Variants in TNPO1 observed in about 807,000 individuals in gnomAD.
TNPO1 encodes transportin 1.
TNPO1 carries 8 observed loss-of-function variants against 119.5 expected under a neutral mutation model. The ratio of observed to expected loss-of-function variants is 0.07; its 90% CI spans 0.04 to 0.12. The LOEUF (loss-of-function observed/expected upper bound fraction) is 0.12, where lower values mean the gene tolerates loss of function less well. Ranked by LOEUF, TNPO1 falls within the 10% of genes least tolerant of loss-of-function variation. The pLI, the probability that TNPO1 is intolerant of heterozygous loss-of-function variation, is 1.00. For missense variants in TNPO1, 576 were observed against 1,089.8 expected (o/e 0.53, Z 6.64); for synonymous variants, 362 against 363.0 (o/e 1.00, Z 0.03).
intron 1 of TNPO1, 63 bp downstream of exon 1, chr5:72,816,815 G>T: frequency 6.5e-7 from 1 of 1,530,924 alleles, no homozygotes; most frequent in Non-Finnish European, 8.8e-7. Context: ...TGGGAGCGCC[G>T]AGCTGCCTGA....
At position 72,913,657 on chromosome 5, in the gene TNPO1, C is replaced by G. The variant is rs935508428; in HGVS notation, c.*4984C>G. On this transcript the variant is annotated 3_prime_UTR_variant, in exon 25 of 25. Coordinates refer to ENST00000337273, the MANE Select transcript of TNPO1 (RefSeq NM_002270.4). ...GTGGCTTGGTATTATTCAAGATTAG[C>G]TATTTCGCTGGTATTACATCTTTTT... 1.3e-5 allele frequency: 2 copies of G among 152,472 alleles called. No homozygotes were observed. The highest frequency in any genetic ancestry group is 4.8e-5 in the African/African-American group (2 of 41,410). The allele number at this position is 152,472 out of a possible 1,614,324, so 9.4% of individuals were successfully genotyped here. A position where few individuals can be genotyped will look rare whatever the true frequency, so the allele number is the denominator to read the frequency against.
intron 8 of TNPO1, 117 bp from the exon 9 acceptor site, chr5:72,877,111 A>G (rs1322729946): frequency 1.4e-5 from 7 of 515,814 alleles, no homozygotes; most frequent in Non-Finnish European, 2.3e-5. Context: ...AAAAAAAAAA[A>G]AAAAAATTGC....
chr5:72,830,424 C>T (rs1744408311), intron 1 of TNPO1, among the ~76,000 whole-genome samples: 1 of 152,162 alleles, frequency 6.6e-6, no homozygotes, highest in African/African-American at 2.4e-5. Flanking sequence ...TGCCTACCCA[C>T]ATATCGAATT....
intron 7 of TNPO1, among the ~76,000 whole-genome samples, chr5:72,874,461 A>C (rs1387181689): frequency 6.6e-6 from 1 of 152,174 alleles, no homozygotes; most frequent in Non-Finnish European, 1.5e-5. Flanking sequence ...CCCACCCCCA[A>C]CCCAGTTGCT....
rs186255260 is a variant in TNPO1, at chr5:72,865,857, C to T, written c.596+128C>T. 2.1e-4 allele frequency: 206 copies of T among 1,002,162 alleles called. No individual in the cohort carries two copies. The East Asian group carries it at 3.9e-3, about 19-fold the overall frequency. 62.1% of individuals were successfully genotyped at this position (1,002,162 alleles called of 1,614,324 possible). Reference sequence around the variant, plus strand: ...ATATTGGATGTTCCAGAGAGGTGAACTTATGTAATTGAAATTGACTACTTC... The same window carrying T: ...ATATTGGATGTTCCAGAGAGGTGAATTTATGTAATTGAAATTGACTACTTC... On this transcript the variant is annotated intron_variant, in intron 6 of 24. Coordinates refer to ENST00000337273, the MANE Select transcript of TNPO1 (RefSeq NM_002270.4).
intron 1 of TNPO1, among the ~76,000 whole-genome samples, chr5:72,841,103 G>A (rs1164193538): frequency 2.0e-5 from 3 of 147,046 alleles, no homozygotes; most frequent in Non-Finnish European, 3.0e-5. Context: ...ATAACCTCTG[G>A]TTTTAGACTC....
intron 18 of TNPO1, among the ~76,000 whole-genome samples, chr5:72,895,965 TC>T (rs2112472045): frequency 6.6e-6 from 1 of 152,320 alleles, no homozygotes; most frequent in African/African-American, 2.4e-5. Flanking sequence ...GACAAGATAG[TC>T]CACTTATTTT....
At chr5:72,825,065 T>C (rs1326971045) in intron 1 of TNPO1, among the ~76,000 whole-genome samples, 1 of 152,156 alleles carries the variant, frequency 6.6e-6, no homozygotes, top group African/African-American at 2.4e-5. Context: ...GTTTTCTGTA[T>C]CGTCAAAATA....
At chr5:72,856,273 C>G (rs1373286622) in intron 4 of TNPO1, among the ~76,000 whole-genome samples, 1 of 152,034 alleles carries the variant, frequency 6.6e-6, no homozygotes, top group Non-Finnish European at 1.5e-5. Flanking sequence ...TCTCTGTTGC[C>G]CAGGCTGGGG....
At chr5:72,845,130 A>C (rs551330917) in intron 1 of TNPO1, among the ~76,000 whole-genome samples, 11 of 150,474 alleles carry the variant, frequency 7.3e-5, no homozygotes, top group Non-Finnish European at 1.6e-4. Flanking sequence ...ATAAGTTGTA[A>C]AGTTAATATT....
At chr5:72,899,548 A>T (rs1022779384) in intron 20 of TNPO1, among the ~76,000 whole-genome samples, 1 of 152,198 alleles carries the variant, frequency 6.6e-6, no homozygotes, top group African/African-American at 2.4e-5. Flanking sequence ...TTAGTTTGAG[A>T]TGCTTGAGAA....
At chr5:72,883,455 T>A (rs1242607054) in intron 11 of TNPO1, among the ~76,000 whole-genome samples, 2 of 152,222 alleles carry the variant, frequency 1.3e-5, no homozygotes, top group East Asian at 3.8e-4. Flanking sequence ...TCTGGGCAAC[T>A]ACTAGTCAAT....
At chr5:72,824,846 C>T (rs1336501775) in intron 1 of TNPO1, among the ~76,000 whole-genome samples, 2 of 152,084 alleles carry the variant, frequency 1.3e-5, no homozygotes, top group African/African-American at 4.8e-5. Context: ...TATTCAACAT[C>T]TCCCCTAAAT....
chr5:72,848,130 T>C lies in TNPO1; in HGVS notation c.16-255T>C, dbSNP rs546056816. On this transcript the variant is annotated intron_variant, in intron 1 of 24. Coordinates refer to ENST00000337273, the MANE Select transcript of TNPO1 (RefSeq NM_002270.4). ...ATTGCAAATTCGCGGTGACTCAGTC[T>C]GGTCGGCTCCTTGCGCTCGGCGGCC... The C allele has an allele frequency of 7.6e-6, 9 of 1,182,868 alleles. No individual in the cohort carries two copies. In the South Asian group the frequency reaches 1.0e-4, roughly 14 times the overall value. 73.3% of individuals were successfully genotyped at this position (1,182,868 alleles called of 1,614,324 possible).
chr5:72,817,009 G>T (rs1010738320), intron 1 of TNPO1: 6 of 477,930 alleles, frequency 1.3e-5, no homozygotes, highest in Middle Eastern at 5.4e-4. Context: ...GTTAGGGGCG[G>T]CAGGAGCCCG....
chr5:72,899,496 C>T (rs1263309565), intron 20 of TNPO1, among the ~76,000 whole-genome samples: 1 of 152,134 alleles, frequency 6.6e-6, no homozygotes, highest in East Asian at 1.9e-4. Context: ...GGTTTAAATT[C>T]CCTAGATAAT....
chr5:72,900,093 TC>T lies in TNPO1; in HGVS notation c.2414+13del, dbSNP rs1749702142. On this transcript the variant is annotated intron_variant, in intron 21 of 24. Transcript: ENST00000337273. The stretch of plus-strand genomic sequence containing the variant: ...TTTATAAGACCCTGGTGTGTATTAT[TC>T]AATCTTTTTTTTTAATTCATTTTTC... The T allele has an allele frequency of 3.7e-6, 6 of 1,604,394 alleles. No individual in the cohort carries two copies. Among genetic ancestry groups the T allele is most frequent in the Non-Finnish European group, 5.1e-6 (6 of 1,173,300 alleles).
At chr5:72,890,837 T>C (rs1748996428) in intron 14 of TNPO1, among the ~76,000 whole-genome samples, 1 of 152,140 alleles carries the variant, frequency 6.6e-6, no homozygotes, top group South Asian at 2.1e-4. Flanking sequence ...ATATTACACG[T>C]TACAGTTCCA....
chr5:72,852,451 T>C (rs1212811358), intron 3 of TNPO1, among the ~76,000 whole-genome samples: 2 of 152,222 alleles, frequency 1.3e-5, no homozygotes, highest in Non-Finnish European at 2.9e-5. Flanking sequence ...TATTTGGGTA[T>C]TCCCTCCCTG....
Sources: allele counts gnomAD v4.1 joint callset (sites outside exome capture counted in the v4.1 genomes callset), GRCh38; gene constraint gnomAD v4.1.1; transcripts MANE v1.5; gene names NCBI Gene and HGNC (gene_info 2026-07-23, HGNC 2026-07-21).